The following ATG14 variants were observed in gnomAD, a reference collection of about 807,000 sequenced individuals.
The protein encoded by ATG14 is beclin 1-associated autophagy-related key regulator.
ATG14 carries 35 observed loss-of-function variants against 60.4 expected under a neutral mutation model. The ratio of observed to expected loss-of-function variants is 0.58; its 90% CI spans 0.44 to 0.77. ATG14 has a LOEUF of 0.77. Ranked by LOEUF, ATG14 falls within the 30% of genes least tolerant of loss-of-function variation. The pLI is 0.00. For missense variants in ATG14, 647 were observed against 626.3 expected (o/e 1.03, Z -0.35); for synonymous variants, 234 against 228.8 (o/e 1.02, Z -0.21).
At chr14:55,408,472 T>G (rs1246570776) in intron 1 of ATG14, among the ~76,000 whole-genome samples, 1 of 150,694 alleles carries the variant, frequency 6.6e-6, no homozygotes, top group Non-Finnish European at 1.5e-5. Flanking sequence ...CAAACAAACT[T>G]CCTCAAACTC....
chr14:55,380,436 T>C, intron 7 of ATG14, 137 bp downstream of exon 7: 1 of 604,668 alleles, frequency 1.7e-6, no homozygotes, highest in Non-Finnish European at 2.9e-6. Flanking sequence ...TTGAAATTAA[T>C]CTCAATATTT....
chr14:55,378,678 C>G (rs540101318), intron 7 of ATG14, among the ~76,000 whole-genome samples: 208 of 152,154 alleles, frequency 1.4e-3, no homozygotes, highest in African/African-American at 4.8e-3. Flanking sequence ...GCAAGCCCCT[C>G]TCTCACCACA....
chr14:55,405,628 T>G (rs1206181833), intron 1 of ATG14, among the ~76,000 whole-genome samples: 12 of 152,276 alleles, frequency 7.9e-5, no homozygotes, highest in Non-Finnish European at 7.4e-5. Flanking sequence ...CTGTTGTGAG[T>G]GGAAAGATTA....
rs1373904084 is a variant in ATG14 at position 55,367,961 on chromosome 14, A to C, written c.*1658T>G. 1 of 152,652 alleles carries C rather than the reference A, an allele frequency of 6.6e-6. No homozygotes were observed. Among genetic ancestry groups the C allele is most frequent in the African/African-American group, 2.4e-5 (1 of 41,464 alleles). The allele number at this position is 152,652 out of a possible 1,614,324, so 9.5% of individuals were successfully genotyped here. A position where few individuals can be genotyped will look rare whatever the true frequency, so the allele number is the denominator to read the frequency against. The stretch of plus-strand genomic sequence containing the variant: ...CAACTACAATTATTATGATGAGAAA[A>C]GAAGCTGGGGCATGGCAAACCTCTG... On this transcript the variant is annotated 3_prime_UTR_variant, in exon 10 of 10. Transcript: ENST00000247178.
chr14:55,387,100 G>T (rs1444835243), intron 4 of ATG14, among the ~76,000 whole-genome samples: 1 of 151,924 alleles, frequency 6.6e-6, no homozygotes, highest in East Asian at 1.9e-4. Flanking sequence ...CTCCAACACG[G>T]CTCGACTCCA....
At chr14:55,372,554 T>C (rs1884842465) in intron 9 of ATG14, among the ~76,000 whole-genome samples, 2 of 150,974 alleles carry the variant, frequency 1.3e-5, no homozygotes, top group African/African-American at 4.9e-5. Flanking sequence ...TCTTTCCCTT[T>C]CTCCCTCCCT....
chr14:55,409,278 A>G (rs1022956135), intron 1 of ATG14, among the ~76,000 whole-genome samples: 1 of 152,250 alleles, frequency 6.6e-6, no homozygotes, highest in African/African-American at 2.4e-5. Flanking sequence ...GAAACGGTCT[A>G]GAAACTGAGT....
intron 5 of ATG14, among the ~76,000 whole-genome samples, chr14:55,384,532 T>C (rs978058919): frequency 6.6e-6 from 1 of 152,220 alleles, no homozygotes; most frequent in African/African-American, 2.4e-5. Flanking sequence ...ACTTTCTATT[T>C]TGCTCTATTT....
chr14:55,388,173 T>C (rs72717748), intron 4 of ATG14, among the ~76,000 whole-genome samples: 1,704 of 152,272 alleles, frequency 0.011, 14 homozygotes, highest in Middle Eastern at 0.024. Context: ...GCCATCCTGC[T>C]TAATGTGAAT....
At chr14:55,399,566 A>G (rs1885366214) in intron 1 of ATG14, among the ~76,000 whole-genome samples, 1 of 152,244 alleles carries the variant, frequency 6.6e-6, no homozygotes, top group African/African-American at 2.4e-5. Context: ...AAGAAATCTA[A>G]TTATAAATTC....
intron 9 of ATG14, among the ~76,000 whole-genome samples, chr14:55,371,134 G>A (rs1884807641): frequency 6.6e-6 from 1 of 152,192 alleles, no homozygotes; most frequent in African/African-American, 2.4e-5. Context: ...AGCACACGAT[G>A]CCTTGGTTCA....
intron 7 of ATG14, among the ~76,000 whole-genome samples, chr14:55,379,476 C>T (rs997871946): frequency 6.6e-5 from 10 of 151,874 alleles, no homozygotes; most frequent in Admixed American, 1.3e-4. Context: ...TGGGGAGGGA[C>T]GGAGGTTGCA....
rs368148402 is a variant in ATG14, at chr14:55,406,195, A to G, written c.221+5407T>C. Among the ~76,000 whole-genome samples, 35 of 152,244 alleles carry G rather than the reference A, an allele frequency of 2.3e-4. 1 individual carries two copies. Among genetic ancestry groups the G allele is most frequent in the African/African-American group, 8.2e-4 (34 of 41,540 alleles). On this transcript the variant is annotated intron_variant, in intron 1 of 9. Transcript: ENST00000247178. ...TTCCTTGAGCTGCTAAACCACTAAA[A>G]CCTAGATATTCAGCTAGTCTGTTAA... is the stretch of plus-strand genomic sequence containing the variant.
chr14:55,403,883 A>C (rs886609426), intron 1 of ATG14, among the ~76,000 whole-genome samples: 1 of 152,258 alleles, frequency 6.6e-6, no homozygotes, highest in Non-Finnish European at 1.5e-5. Context: ...TACAACATTT[A>C]GCTCTCTTTA....
chr14:55,406,151 A>G (rs889052976), intron 1 of ATG14, among the ~76,000 whole-genome samples: 1 of 152,362 alleles, frequency 6.6e-6, no homozygotes, highest in Admixed American at 6.5e-5. Flanking sequence ...AGATCAATTT[A>G]TTTCTTTAAT....
chr14:55,367,817 A>G lies in ATG14; in HGVS notation c.*1802T>C, dbSNP rs188755651. ...TCATGGAAAATTCATAGAGCCAAGG[A>G]ATTTGTGACTACCGGATAGAAATAA... On this transcript the variant is annotated 3_prime_UTR_variant, in exon 10 of 10. Coordinates refer to ENST00000247178, the MANE Select transcript of ATG14 (RefSeq NM_014924.5). 7 of 152,270 alleles carry G rather than the reference A, an allele frequency of 4.6e-5. No individual in the cohort carries two copies. The East Asian group carries it at 1.3e-3, about 29-fold the overall frequency. 9.4% of individuals were successfully genotyped at this position (152,270 alleles called of 1,614,324 possible).
chr14:55,374,677 A>C (rs567760121), intron 9 of ATG14, among the ~76,000 whole-genome samples: 2 of 152,010 alleles, frequency 1.3e-5, no homozygotes, highest in Non-Finnish European at 2.9e-5. Context: ...AAGGTTTTTT[A>C]TATCATCTGG....
At chr14:55,398,292 C>T (rs1885346523) in intron 1 of ATG14, among the ~76,000 whole-genome samples, 1 of 152,018 alleles carries the variant, frequency 6.6e-6, no homozygotes, top group Non-Finnish European at 1.5e-5. Context: ...TCTTTATTTT[C>T]TTCTTGCCAA....
In ATG14 at chr14:55,369,027, GACAA is replaced by G. The variant is rs1884749382; in HGVS notation, c.*588_*591del. ...GGGGGAAAGAAAAACAGGAATGTCTGACAAACTACGACAGAGCAGCATGAATAAA... is the reference window on the plus strand; with the variant it reads ...GGGGGAAAGAAAAACAGGAATGTCTGACTACGACAGAGCAGCATGAATAAA... On this transcript the variant is annotated 3_prime_UTR_variant, in exon 10 of 10. Coordinates refer to ENST00000247178, the MANE Select transcript of ATG14 (RefSeq NM_014924.5). 1 of 148,400 alleles carries G rather than the reference GACAA, an allele frequency of 6.7e-6. No homozygotes were observed. Among genetic ancestry groups the G allele is most frequent in the African/African-American group, 2.5e-5 (1 of 40,746 alleles). 9.2% of individuals were successfully genotyped at this position (148,400 alleles called of 1,614,324 possible). A position where few individuals can be genotyped will look rare whatever the true frequency, so the allele number is the denominator to read the frequency against.
Sources: gnomAD v4.1 joint callset for allele counts (sites outside exome capture counted in the v4.1 genomes callset) on GRCh38, gnomAD v4.1.1 for gene constraint, MANE v1.5 for transcripts, NCBI Gene and HGNC (gene_info 2026-07-23, HGNC 2026-07-21) for gene names.